Variants in PTPRF observed in about 807,000 individuals in gnomAD.
PTPRF encodes the protein receptor-type tyrosine-protein phosphatase F.
Under a neutral mutation model 201.8 loss-of-function variants are expected in PTPRF, and 59 were observed. The ratio of observed to expected loss-of-function variants is 0.29; its 90% CI spans 0.24 to 0.36. The LOEUF is 0.36. PTPRF is among the 10% of genes least tolerant of loss of function. The probability of loss-of-function intolerance (pLI) is 1.00; values close to 1 mark genes in which losing one functional copy is unlikely to be tolerated. For synonymous variants in PTPRF, 1,088 were observed against 1,089.7 expected (o/e 1.00, Z 0.03); for missense variants, 2,132 against 2,690.5 (o/e 0.79, Z 4.59).
intron 23 of PTPRF, among the ~76,000 whole-genome samples, chr1:43,616,542 G>A (rs558588434): frequency 6.6e-6 from 1 of 151,914 alleles, no homozygotes; most frequent in Non-Finnish European, 1.5e-5. Flanking sequence ...TGAGGGGGTG[G>A]GGGAGCACCA....
At position 43,592,417 on chromosome 1, in the gene PTPRF, G is replaced by A. The variant is rs1476415447; in HGVS notation, c.1669-40G>A. The A allele has an allele frequency of 1.9e-6, 3 of 1,570,308 alleles. No individual in the cohort carries two copies. The African/African-American group carries it at 4.0e-5, about 21-fold the overall frequency. On this transcript the variant is annotated intron_variant, in intron 10 of 33. Transcript: ENST00000359947. ...TGGGGAACAACCTGTGAGTGACTTT[G>A]AGCTCAGAGCTGTCAGTGAGTGCTC...
At chr1:43,602,976 G>C (rs1654135785) in intron 14 of PTPRF, among the ~76,000 whole-genome samples, 1 of 152,164 alleles carries the variant, frequency 6.6e-6, no homozygotes, top group South Asian at 2.1e-4. Flanking sequence ...ACCTTGCTCT[G>C]TCTGTGCATG....
In PTPRF at chr1:43,554,028, G is replaced by A. The variant is rs1488525977; in HGVS notation, c.379+87G>A. The A allele has an allele frequency of 3.3e-6, 5 of 1,537,058 alleles. No homozygotes were observed. The highest frequency in any genetic ancestry group is 4.4e-6 in the Non-Finnish European group (5 of 1,135,744). On this transcript the variant is annotated intron_variant, in intron 5 of 33. Coordinates refer to ENST00000359947, the MANE Select transcript of PTPRF (RefSeq NM_002840.5). This position sits in a 1 kb window ranked among gnomAD's most constrained non-coding sequence, Gnocchi z 4.1. The stretch of plus-strand genomic sequence containing the variant: ...AGCCCTGATCCTGTCCTGGGCCCAT[G>A]TGCATTTGGCAGAAAGGAGGACTGG...
At chr1:43,608,357 T>C (rs1655639306) in intron 21 of PTPRF, among the ~76,000 whole-genome samples, 2 of 152,168 alleles carry the variant, frequency 1.3e-5, no homozygotes, top group African/African-American at 4.8e-5. Context: ...TCCTTCTCTC[T>C]TCACACACCT....
chr1:43,583,056 C>T, intron 7 of PTPRF: 3 of 985,014 alleles, frequency 3.0e-6, no homozygotes, highest in Non-Finnish European at 3.6e-6. Flanking sequence ...CGCACTCTGC[C>T]ATCAACCCAA....
rs1207925251 is a variant in PTPRF, at chr1:43,578,865, G to C, written c.624G>C (p.Val208=). The part of the protein sequence containing the change: ...EESDQGKYEC[V]ATNSAGTRYS... ...CCGACCAAGGCAAGTACGAGTGTGTGGCGACCAACTCGGCAGGCACACGTT... is the reference window on the plus strand; with the variant it reads ...CCGACCAAGGCAAGTACGAGTGTGTCGCGACCAACTCGGCAGGCACACGTT... The change falls in exon 7 of 34, where the codon GTG becomes GTC. Residue 208 remains valine, a synonymous_variant. Transcript: ENST00000359947. 1.2e-6 allele frequency: 2 copies of C among 1,614,216 alleles called. No homozygotes were observed. Among genetic ancestry groups the C allele is most frequent in the Admixed American group, 3.3e-5 (2 of 60,026 alleles).
At chr1:43,617,159 C>T (rs528889365) in intron 23 of PTPRF, among the ~76,000 whole-genome samples, 2 of 152,220 alleles carry the variant, frequency 1.3e-5, no homozygotes, top group South Asian at 2.1e-4. Flanking sequence ...TAGGTGAGTG[C>T]AGGGCTTCGA....
chr1:43,548,829 G>A (rs1311634718), intron 3 of PTPRF, among the ~76,000 whole-genome samples: 3 of 152,218 alleles, frequency 2.0e-5, no homozygotes, highest in Non-Finnish European at 4.4e-5. Flanking sequence ...CCCTGCCTCC[G>A]TGTGTACATG....
intron 3 of PTPRF, among the ~76,000 whole-genome samples, chr1:43,550,042 C>T (rs1056551994): frequency 6.6e-6 from 1 of 152,072 alleles, no homozygotes; most frequent in Non-Finnish European, 1.5e-5. Context: ...TGTGCTGTGT[C>T]CTGCGGGTGG....
In PTPRF at chr1:43,621,301, A is replaced by G. The variant is rs1238430774; in HGVS notation, c.5655+69A>G. The G allele has an allele frequency of 4.4e-6, 7 of 1,573,490 alleles. No homozygotes were observed. The South Asian group carries it at 4.6e-5, about 10-fold the overall frequency. Reference sequence around the variant, plus strand: ...CTGCTGGGAACCCTAGGCTTTAGCAACAGTTTGATGCCCACAGGCATGTGC... The same window carrying G: ...CTGCTGGGAACCCTAGGCTTTAGCAGCAGTTTGATGCCCACAGGCATGTGC... On this transcript the variant is annotated intron_variant, in intron 33 of 33. Transcript: ENST00000359947.
intron 17 of PTPRF, 36 bp from the exon 18 acceptor site, chr1:43,605,154 C>T: frequency 1.9e-6 from 3 of 1,579,232 alleles, no homozygotes; most frequent in Non-Finnish European, 2.6e-6. Context: ...GGGAACCTCA[C>T]CCAAAGGCAT....
intron 32 of PTPRF, 24 bp from the exon 33 acceptor site, chr1:43,621,073 T>C: frequency 1.2e-6 from 2 of 1,612,844 alleles, no homozygotes; most frequent in South Asian, 2.2e-5. Flanking sequence ...GCAGGACTCC[T>C]GACCCAACTG....
intron 5 of PTPRF, among the ~76,000 whole-genome samples, chr1:43,564,896 A>T (rs961780237): frequency 6.6e-6 from 1 of 151,740 alleles, no homozygotes; most frequent in African/African-American, 2.4e-5. Context: ...TGGCCCAGAG[A>T]CTCACCCTCA....
upstream of PTPRF, among the ~76,000 whole-genome samples, chr1:43,525,849 C>T (rs1643087884): frequency 7.0e-6 from 1 of 141,896 alleles, no homozygotes; most frequent in Admixed American, 7.1e-5. Flanking sequence ...CAGTGAAAGC[C>T]AGAAAGCAGG....
In PTPRF at chr1:43,598,016, C is replaced by G. The variant is rs750276955; in HGVS notation, c.2082C>G (p.Pro694=). Residue 694 remains proline, a synonymous_variant, in exon 12 of 34, where the codon CCC becomes CCG. Coordinates refer to ENST00000359947, the MANE Select transcript of PTPRF (RefSeq NM_002840.5). ...VRAHTDVGPG[P]ESSPVLVRTD... ...CACACACAGACGTGGGCCCCGGCCC[C>G]GAGAGCAGCCCGGTGCTGGTGCGCA... 13 of 1,517,700 alleles carry G rather than the reference C, an allele frequency of 8.6e-6. No homozygotes were observed. Among genetic ancestry groups the G allele is most frequent in the Non-Finnish European group, 1.2e-5 (13 of 1,125,394 alleles). 94.0% of individuals were successfully genotyped at this position (1,517,700 alleles called of 1,614,324 possible).
rs199877367 is a variant in PTPRF at position 43,622,000 on chromosome 1, G to A, written c.5721G>A (p.Thr1907=). The change falls in exon 34 of 34, where the codon ACG becomes ACA. Residue 1907 remains threonine (T), a synonymous_variant. Coordinates refer to ENST00000359947, the MANE Select transcript of PTPRF (RefSeq NM_002840.5). ...EYLGSFDHYA[T] is the part of the protein sequence containing the mutation. ...TCGGCAGCTTTGACCACTATGCAAC[G>A]TAACTACCGCTCCCCTCTCCTCCGC... 2.0e-4 allele frequency: 327 copies of A among 1,613,992 alleles called. No homozygotes were observed. Among genetic ancestry groups the A allele is most frequent in the Non-Finnish European group, 2.6e-4 (302 of 1,179,942 alleles).
chr1:43,590,892 C>T, intron 8 of PTPRF, 80 bp from the exon 9 acceptor site: 1 of 1,321,574 alleles, frequency 7.6e-7, no homozygotes, highest in Non-Finnish European at 1.0e-6. Context: ...CACCAGATAT[C>T]CTGGATAATC....
chr1:43,597,830 C>T lies in PTPRF; in HGVS notation c.1896C>T (p.Ala632=), dbSNP rs759576740. ...TVRVSWVPPP[A]DSRNGVITQY... ...GGGTAAGTTGGGTCCCGCCGCCTGCCGACAGCCGCAACGGCGTTATCACCC... is the reference window on the plus strand; with the variant it reads ...GGGTAAGTTGGGTCCCGCCGCCTGCTGACAGCCGCAACGGCGTTATCACCC... The change falls in exon 12 of 34, where the codon GCC becomes GCT. Residue 632 remains alanine, a synonymous_variant. Coordinates refer to ENST00000359947, the MANE Select transcript of PTPRF (RefSeq NM_002840.5). 1.1e-5 allele frequency: 17 copies of T among 1,608,494 alleles called. No homozygotes were observed. Among genetic ancestry groups the T allele is most frequent in the East Asian group, 4.5e-5 (2 of 44,616 alleles).
chr1:43,551,635 A>G (rs1645044060), intron 3 of PTPRF, among the ~76,000 whole-genome samples: 1 of 152,148 alleles, frequency 6.6e-6, no homozygotes, highest in African/African-American at 2.4e-5. Context: ...CCATGCCTGC[A>G]TCCCTCTGAC....
Sources: gnomAD v4.1 joint callset for allele counts (sites outside exome capture counted in the v4.1 genomes callset) on GRCh38, gnomAD v4.1.1 for gene constraint, Gnocchi (gnomAD v3.1) non-coding constraint, MANE v1.5 for transcripts, NCBI Gene and HGNC (gene_info 2026-07-23, HGNC 2026-07-21) for gene names.